Variants in NRG4 observed in about 807,000 individuals in gnomAD.
NRG4 encodes neuregulin 4.
Under a neutral mutation model 15.0 loss-of-function variants are expected in NRG4, and 10 were observed. The observed-to-expected ratio is 0.67, with a 90% CI of 0.41 to 1.13. NRG4 has a LOEUF of 1.13. Among genes scored for constraint, NRG4 ranks in the 50% most tolerant of loss-of-function variants. NRG4 has a pLI of 0.00. For synonymous variants in NRG4, 41 were observed against 50.1 expected (o/e 0.82, Z 0.77); for missense variants, 139 against 140.2 (o/e 0.99, Z 0.04).
intron 3 of NRG4, among the ~76,000 whole-genome samples, chr15:76,052,605 C>G (rs559266117): frequency 6.6e-6 from 1 of 151,150 alleles, no homozygotes; most frequent in African/African-American, 2.5e-5. Context: ...AGACAGAAGC[C>G]TAATATGTCT....
chr15:75,986,759 A>C (rs1162060660), intron 3 of NRG4, among the ~76,000 whole-genome samples: 5 of 152,148 alleles, frequency 3.3e-5, no homozygotes, highest in Non-Finnish European at 7.4e-5. Context: ...CAAGTATTTT[A>C]TTTCTTTGCC....
rs559361852 is a variant in NRG4, at chr15:76,005,792, T to G, written c.104+3408A>C. 1.2e-4 allele frequency: 54 copies of G among 436,098 alleles called. 1 individual carries two copies. Among genetic ancestry groups the G allele is most frequent in the Non-Finnish European group, 2.3e-4 (50 of 217,232 alleles). 27.0% of individuals were successfully genotyped at this position (436,098 alleles called of 1,614,324 possible). ...ATCATAAAGGTCTTCATTGTTGTCA[T>G]TTTCATTTTCGTGTAGACTGAGGAG... On this transcript the variant is annotated intron_variant, in intron 3 of 5. Coordinates refer to ENST00000394907, the MANE Select transcript of NRG4 (RefSeq NM_138573.4).
At chr15:75,986,495 T>C (rs528493170) in intron 3 of NRG4, among the ~76,000 whole-genome samples, 3 of 152,262 alleles carry the variant, frequency 2.0e-5, no homozygotes, top group Middle Eastern at 3.4e-3. Flanking sequence ...ACTCTGTGGA[T>C]TGACATGAAA....
chr15:76,013,185 T>C (rs1165164523), upstream of NRG4, among the ~76,000 whole-genome samples: 1 of 152,154 alleles, frequency 6.6e-6, no homozygotes, highest in East Asian at 1.9e-4. Context: ...TTTAAGAAAA[T>C]ATTAAAATAA....
At chr15:75,948,602 C>G (rs2031683562) in intron 5 of NRG4, among the ~76,000 whole-genome samples, 1 of 150,054 alleles carries the variant, frequency 6.7e-6, no homozygotes, top group South Asian at 2.2e-4. Context: ...CCGCCCGGCC[C>G]TAGTTAATTT....
At chr15:75,937,446 T>C (rs1398443753), downstream of NRG4, 1 of 147,082 alleles carries the variant, frequency 6.8e-6, no homozygotes, top group East Asian at 2.0e-4. Context: ...GAGGTGGAGC[T>C]TGCAGTGAGC....
At chr15:75,985,592 A>G (rs917012443) in intron 3 of NRG4, among the ~76,000 whole-genome samples, 12 of 152,160 alleles carry the variant, frequency 7.9e-5, no homozygotes, top group African/African-American at 2.9e-4. Flanking sequence ...CATCCTTATC[A>G]TTTAGGAAAA....
chr15:75,999,466 T>C (rs2034328557), intron 3 of NRG4, among the ~76,000 whole-genome samples: 1 of 152,178 alleles, frequency 6.6e-6, no homozygotes, highest in Admixed American at 6.5e-5. Flanking sequence ...TGTGAGGACA[T>C]AGTGTTCGGC....
intron 5 of NRG4, among the ~76,000 whole-genome samples, chr15:76,032,023 C>G (rs2035485966): frequency 6.6e-6 from 1 of 152,018 alleles, no homozygotes; most frequent in Non-Finnish European, 1.5e-5. Flanking sequence ...GAGAATTACC[C>G]ACTAATAAGA....
chr15:75,967,884 A>G (rs574697999), intron 3 of NRG4, among the ~76,000 whole-genome samples: 1 of 152,350 alleles, frequency 6.6e-6, no homozygotes, highest in East Asian at 1.9e-4. Flanking sequence ...AGAATAATCC[A>G]TATTTGTCAC....
At chr15:76,039,958 C>T (rs574125722) in intron 4 of NRG4, among the ~76,000 whole-genome samples, 11 of 152,034 alleles carry the variant, frequency 7.2e-5, no homozygotes, top group South Asian at 2.1e-4. Flanking sequence ...CATTTGAACC[C>T]GGAGGCAGAG....
intron 3 of NRG4, among the ~76,000 whole-genome samples, chr15:75,980,039 T>C (rs1009809036): frequency 6.6e-6 from 1 of 152,176 alleles, no homozygotes; most frequent in Non-Finnish European, 1.5e-5. Context: ...TATCTAAATA[T>C]TACCTAACTT....
chr15:75,992,407 G>T (rs1389618097), intron 3 of NRG4, among the ~76,000 whole-genome samples: 1 of 152,080 alleles, frequency 6.6e-6, no homozygotes, highest in Non-Finnish European at 1.5e-5. Context: ...TAGGCTTGCA[G>T]GTAATAAATT....
intron 3 of NRG4, among the ~76,000 whole-genome samples, chr15:75,995,580 C>G (rs543743501): frequency 2.8e-4 from 42 of 152,122 alleles, no homozygotes; most frequent in African/African-American, 9.6e-4. Flanking sequence ...CATATCCAAA[C>G]TATATCACAC....
At chr15:76,030,603 A>G (rs1400906194) in intron 5 of NRG4, among the ~76,000 whole-genome samples, 1 of 152,220 alleles carries the variant, frequency 6.6e-6, no homozygotes, top group East Asian at 1.9e-4. Flanking sequence ...TGGATTAACA[A>G]TCTAAATGAA....
At chr15:75,990,559 C>T (rs74024047) in intron 3 of NRG4, among the ~76,000 whole-genome samples, 6,029 of 152,076 alleles carry the variant, frequency 0.04, 217 homozygotes, top group African/African-American at 0.095. Context: ...GGTCCAATTA[C>T]TTCATCAAGG....
chr15:75,951,927 TC>T (rs1281791997), intron 5 of NRG4, among the ~76,000 whole-genome samples: 4 of 152,200 alleles, frequency 2.6e-5, no homozygotes, highest in African/African-American at 9.6e-5. Flanking sequence ...AATCCATATT[TC>T]CATCTGATAT....
intron 3 of NRG4, among the ~76,000 whole-genome samples, chr15:75,962,974 T>C (rs578259000): frequency 6.6e-6 from 1 of 152,334 alleles, no homozygotes; most frequent in East Asian, 1.9e-4. Flanking sequence ...GGTAGGTATT[T>C]AGAAATTTTA....
chr15:75,976,344 G>A (rs2033366308), intron 3 of NRG4, among the ~76,000 whole-genome samples: 1 of 152,106 alleles, frequency 6.6e-6, no homozygotes, highest in African/African-American at 2.4e-5. Flanking sequence ...CTGTCAATTT[G>A]TCAAACTCAT....
Sources: gnomAD v4.1 joint callset for allele counts (sites outside exome capture counted in the v4.1 genomes callset) on GRCh38, gnomAD v4.1.1 for gene constraint, MANE v1.5 for transcripts, NCBI Gene and HGNC (gene_info 2026-07-23, HGNC 2026-07-21) for gene names.